The following SHC4 variants were observed in gnomAD, a reference collection of about 807,000 sequenced individuals.
SHC4 encodes SHC-transforming protein 4.
SHC4 carries 41 observed loss-of-function variants against 69.4 expected under a neutral mutation model. The observed-to-expected ratio is 0.59, with a 90% CI of 0.46 to 0.77. SHC4 has a LOEUF of 0.77. SHC4 is among the 30% of genes least tolerant of loss of function. The pLI is 0.00. For missense variants in SHC4, 777 were observed against 783.8 expected, an observed-to-expected ratio of 0.99 and a Z score of 0.10; for synonymous variants, 318 against 299.3, an observed-to-expected ratio of 1.06 and a Z score of -0.64.
chr15:48,831,207 A>G (rs546327239), intron 11 of SHC4, among the ~76,000 whole-genome samples: 1 of 152,334 alleles, frequency 6.6e-6, no homozygotes, highest in Admixed American at 6.5e-5. Flanking sequence ...AATGTTTACA[A>G]AGTAAAAAAA....
chr15:48,926,354 G>A (rs1900853727), intron 1 of SHC4, among the ~76,000 whole-genome samples: 1 of 152,164 alleles, frequency 6.6e-6, no homozygotes, highest in African/African-American at 2.4e-5. Flanking sequence ...TTCCTTTGGA[G>A]GCTTTCCAGC....
chr15:48,899,901 A>AT (rs1900291301), intron 2 of SHC4, among the ~76,000 whole-genome samples: 5 of 152,290 alleles, frequency 3.3e-5, no homozygotes, highest in African/African-American at 1.2e-4. Context: ...CTACAGCTTA[A>AT]CAAACCTTCC....
intron 9 of SHC4, among the ~76,000 whole-genome samples, chr15:48,850,283 T>C (rs1426911971): frequency 1.3e-5 from 2 of 152,012 alleles, no homozygotes; most frequent in African/African-American, 4.8e-5. Flanking sequence ...CACTACTCCG[T>C]TTACAAGATA....
chr15:48,944,745 C>T (rs1249427181), intron 1 of SHC4, among the ~76,000 whole-genome samples: 3 of 152,170 alleles, frequency 2.0e-5, no homozygotes, highest in African/African-American at 7.2e-5. Context: ...AGTCAGGGTT[C>T]CTCTGCAGCC....
At chr15:48,913,144 G>T (rs1471661270) in intron 2 of SHC4, among the ~76,000 whole-genome samples, 1 of 151,756 alleles carries the variant, frequency 6.6e-6, no homozygotes, top group Non-Finnish European at 1.5e-5. Context: ...TAGTGTGTGG[G>T]GTCCTAGAAC....
intron 2 of SHC4, among the ~76,000 whole-genome samples, chr15:48,894,856 G>C (rs1360672343): frequency 6.6e-6 from 1 of 152,084 alleles, no homozygotes. Flanking sequence ...TGGGATCATA[G>C]CTCAATGCAG....
At chr15:48,835,345 G>A (rs1411663095) in intron 10 of SHC4, among the ~76,000 whole-genome samples, 2 of 152,100 alleles carry the variant, frequency 1.3e-5, no homozygotes, top group African/African-American at 2.4e-5. Context: ...TATGTCCTAG[G>A]GGTTGCATGT....
chr15:48,891,448 G>A (rs577032660), intron 2 of SHC4, among the ~76,000 whole-genome samples: 1 of 152,214 alleles, frequency 6.6e-6, no homozygotes, highest in East Asian at 1.9e-4. Context: ...GAAAGGCACC[G>A]CTAAAATAAG....
At chr15:48,853,179 C>T (rs184451662) in intron 8 of SHC4, among the ~76,000 whole-genome samples, 35 of 152,020 alleles carry the variant, frequency 2.3e-4, no homozygotes, top group African/African-American at 7.9e-4. Flanking sequence ...TTCTATAAAC[C>T]AGTAACATTC....
At chr15:48,910,768 A>T (rs1026642042) in intron 2 of SHC4, among the ~76,000 whole-genome samples, 2 of 151,974 alleles carry the variant, frequency 1.3e-5, no homozygotes, top group Non-Finnish European at 2.9e-5. Context: ...TTGTGTCATT[A>T]TTGTTGTTCA....
intron 6 of SHC4, among the ~76,000 whole-genome samples, chr15:48,864,073 G>T (rs556236029): frequency 6.6e-6 from 1 of 152,176 alleles, no homozygotes; most frequent in South Asian, 2.1e-4. Flanking sequence ...TTATTAGATT[G>T]TTTGTTTATT....
At chr15:48,893,426 T>C (rs985651168) in intron 2 of SHC4, among the ~76,000 whole-genome samples, 7 of 152,210 alleles carry the variant, frequency 4.6e-5, no homozygotes, top group Admixed American at 2.0e-4. Context: ...AACTCTGCCA[T>C]TGTAGCACAA....
intron 2 of SHC4, among the ~76,000 whole-genome samples, chr15:48,903,639 C>T (rs926742935): frequency 2.0e-5 from 3 of 152,212 alleles, no homozygotes; most frequent in Non-Finnish European, 4.4e-5. Flanking sequence ...CTTGCACATG[C>T]AGGCCTCAAA....
chr15:48,898,363 T>G (rs16961815), intron 2 of SHC4, among the ~76,000 whole-genome samples: 10,289 of 152,230 alleles, frequency 0.068, 849 homozygotes, highest in East Asian at 0.37. Context: ...ATCACCCGTG[T>G]ACTCTAGGAG....
chr15:48,897,513 C>T (rs1900244014), intron 2 of SHC4, among the ~76,000 whole-genome samples: 2 of 146,790 alleles, frequency 1.4e-5, no homozygotes, highest in Non-Finnish European at 3.1e-5. Context: ...TGTCGCCACA[C>T]ACACACACAC....
At chr15:48,908,420 G>A (rs1455900623) in intron 2 of SHC4, among the ~76,000 whole-genome samples, 2 of 152,068 alleles carry the variant, frequency 1.3e-5, no homozygotes, top group Non-Finnish European at 1.5e-5. Context: ...TTACTAATTT[G>A]TTTGAGTTCA....
At chr15:48,851,692 TA>T (rs1269903219) in intron 8 of SHC4, among the ~76,000 whole-genome samples, 1 of 152,244 alleles carries the variant, frequency 6.6e-6, no homozygotes, top group Non-Finnish European at 1.5e-5. Context: ...TTGAAAATCT[TA>T]TCCAAAGAAC....
intron 3 of SHC4, among the ~76,000 whole-genome samples, chr15:48,885,798 TCAC>T (rs1221644130): frequency 1.3e-5 from 2 of 152,316 alleles, no homozygotes; most frequent in East Asian, 3.9e-4. Flanking sequence ...CTCACAGCTA[TCAC>T]CACATCATAA....
chr15:48,939,049 C>T (rs1428046043), intron 1 of SHC4, among the ~76,000 whole-genome samples: 4 of 152,210 alleles, frequency 2.6e-5, no homozygotes, highest in Non-Finnish European at 5.9e-5. Flanking sequence ...ATGTGTGGTG[C>T]TAAGCACAGT....
Sources: allele counts gnomAD v4.1 joint callset (sites outside exome capture counted in the v4.1 genomes callset), GRCh38; gene constraint gnomAD v4.1.1; transcripts MANE v1.5; gene names NCBI Gene and HGNC (gene_info 2026-07-23, HGNC 2026-07-21).